SLC25A21: variants seen among roughly 807,000 people sequenced by gnomAD.
SLC25A21 encodes mitochondrial 2-oxodicarboxylate carrier.
SLC25A21 carries 47 observed loss-of-function variants against 43.8 expected under a neutral mutation model. The observed-to-expected ratio is 1.07, with a 90% CI of 0.85 to 1.37. The LOEUF is 1.37. SLC25A21 is among the 40% of genes most tolerant of loss of function. The pLI is 0.00. For synonymous variants in SLC25A21, 131 were observed against 121.3 expected (o/e 1.08, Z -0.52); for missense variants, 352 against 350.2 (o/e 1.00, Z -0.04).
chr14:36,999,182 G>A (rs1351343960), intron 1 of SLC25A21, among the ~76,000 whole-genome samples: 3 of 152,188 alleles, frequency 2.0e-5, no homozygotes, highest in Middle Eastern at 3.4e-3. Context: ...TACAGACAAT[G>A]GAATATTATT....
At chr14:36,852,448 T>C (rs1466108444) in intron 2 of SLC25A21, among the ~76,000 whole-genome samples, 5 of 152,190 alleles carry the variant, frequency 3.3e-5, no homozygotes, top group Non-Finnish European at 5.9e-5. Context: ...TGACAGCATA[T>C]TAAAATGTCA....
At chr14:36,743,082 T>G (rs191192749) in intron 3 of SLC25A21, among the ~76,000 whole-genome samples, 5 of 152,298 alleles carry the variant, frequency 3.3e-5, no homozygotes, top group Admixed American at 2.6e-4. Context: ...CCCTGGAAAG[T>G]TGGCAGAGTG....
chr14:36,731,730 C>T lies in SLC25A21; in HGVS notation c.271-2164G>A, dbSNP rs145076376. ...CAGGCATTGGTAGTTTCCTTGCAGG[C>T]GTGCACTGGTCAATACTCAGCTGAA... is the stretch of plus-strand genomic sequence containing the variant. On this transcript the variant is annotated intron_variant, in intron 4 of 9. Transcript: ENST00000331299. 3.3e-5 allele frequency among the ~76,000 whole-genome samples: 5 copies of T among 152,246 alleles called. No individual in the cohort carries two copies. In the East Asian group the frequency reaches 5.8e-4, roughly 18 times the overall value.
chr14:37,082,186 C>T (rs1359471045), intron 1 of SLC25A21, among the ~76,000 whole-genome samples: 1 of 152,034 alleles, frequency 6.6e-6, no homozygotes, highest in African/African-American at 2.4e-5. Flanking sequence ...AAACATTGAG[C>T]ACACATAGAC....
At position 36,844,481 on chromosome 14, in the gene SLC25A21, G is replaced by T. The variant is rs145983743; in HGVS notation, c.119+30475C>A. On this transcript the variant is annotated intron_variant, in intron 2 of 9. Transcript: ENST00000331299. ...TAAAACTGGATTATCCAGAGAAGGTGAGGTATGAGGAAGGAAAAAAAGACA... is the reference window on the plus strand; with the variant it reads ...TAAAACTGGATTATCCAGAGAAGGTTAGGTATGAGGAAGGAAAAAAAGACA... Among the ~76,000 whole-genome samples, 497 of 152,284 alleles carry T rather than the reference G, an allele frequency of 3.3e-3. 5 individuals carry two copies. The highest frequency in any genetic ancestry group is 0.011 in the African/African-American group (476 of 41,570).
chr14:36,904,908 GT>G (rs989030715), intron 1 of SLC25A21, among the ~76,000 whole-genome samples: 18 of 152,288 alleles, frequency 1.2e-4, no homozygotes, highest in African/African-American at 4.1e-4. Context: ...TATCACTCGT[GT>G]TATGAAGGGC....
intron 3 of SLC25A21, among the ~76,000 whole-genome samples, chr14:36,776,600 T>A (rs1048791675): frequency 4.6e-5 from 7 of 152,060 alleles, no homozygotes; most frequent in Admixed American, 6.6e-5. Context: ...TGAAGATTGA[T>A]GCCTCCCCAA....
At chr14:37,099,702 A>C (rs933039454) in intron 1 of SLC25A21, among the ~76,000 whole-genome samples, 1 of 152,116 alleles carries the variant, frequency 6.6e-6, no homozygotes, top group Non-Finnish European at 1.5e-5. Flanking sequence ...TGCACCAACA[A>C]TGGCAGGCTC....
intron 2 of SLC25A21, among the ~76,000 whole-genome samples, chr14:36,827,304 T>C (rs1408915362): frequency 2.0e-5 from 3 of 152,272 alleles, no homozygotes; most frequent in Non-Finnish European, 2.9e-5. Context: ...TCTGGTGGCA[T>C]TGCACTATCC....
At chr14:37,147,638 T>TG (rs1566913594) in intron 1 of SLC25A21, among the ~76,000 whole-genome samples, 5 of 130,068 alleles carry the variant, frequency 3.8e-5, no homozygotes, top group African/African-American at 1.3e-4. Flanking sequence ...TTTCAGGTTT[T>TG]TTTTTTTTTT....
chr14:37,022,157 T>C (rs1459574267), intron 1 of SLC25A21, among the ~76,000 whole-genome samples: 1 of 151,938 alleles, frequency 6.6e-6, no homozygotes, highest in Non-Finnish European at 1.5e-5. Context: ...GAGACTGCCA[T>C]TATTTTTTGT....
chr14:36,731,966 G>A (rs1884844307), intron 4 of SLC25A21, among the ~76,000 whole-genome samples: 1 of 152,020 alleles, frequency 6.6e-6, no homozygotes, highest in Non-Finnish European at 1.5e-5. Flanking sequence ...TGGCATCACA[G>A]GGCTCATTTC....
At chr14:36,998,580 G>A (rs61989483) in intron 1 of SLC25A21, among the ~76,000 whole-genome samples, 216 of 152,030 alleles carry the variant, frequency 1.4e-3, no homozygotes, top group Non-Finnish European at 2.4e-3. Flanking sequence ...TCATTATGGA[G>A]AAATCAGATA....
chr14:36,686,357 T>C (rs542089139), intron 7 of SLC25A21, among the ~76,000 whole-genome samples: 8 of 152,302 alleles, frequency 5.3e-5, no homozygotes, highest in African/African-American at 1.9e-4. Flanking sequence ...CCCCCCATTT[T>C]TTCTCTTTTA....
At position 36,708,744 on chromosome 14, in the gene SLC25A21, G is replaced by GT. The variant is rs58837881; in HGVS notation, c.603+2573dup. On this transcript the variant is annotated intron_variant, in intron 7 of 9. Coordinates refer to ENST00000331299, the MANE Select transcript of SLC25A21 (RefSeq NM_030631.4). Reference sequence around the variant, plus strand: ...GCACAATCACACCTGGCTAACGTTAGTTTTTTTTTTTTTTTTTTTTTGTAG... The same window carrying GT: ...GCACAATCACACCTGGCTAACGTTAGTTTTTTTTTTTTTTTTTTTTTTGTAG... Among the ~76,000 whole-genome samples the GT allele has an allele frequency of 4.0e-3, 436 of 108,442 alleles. 7 individuals carry two copies. The highest frequency in any genetic ancestry group is 5.7e-3 in the South Asian group (18 of 3,154). The allele number at this position is 108,442 out of a possible 152,430, so 71.1% of individuals were successfully genotyped here.
At chr14:36,824,167 A>G (rs534159279) in intron 2 of SLC25A21, among the ~76,000 whole-genome samples, 2 of 152,274 alleles carry the variant, frequency 1.3e-5, no homozygotes, top group African/African-American at 4.8e-5. Context: ...GAGCACTGAT[A>G]TGGATGCTTT....
rs556029955 is a variant in SLC25A21 at position 37,064,284 on chromosome 14, T to C, written c.70+107997A>G. On this transcript the variant is annotated intron_variant, in intron 1 of 9. Transcript: ENST00000331299. ...TGGTCTGGGACTGAGAGTCAGACCA[T>C]TGGCTTCCCTGAGGCATTCAGACTT... Among the ~76,000 whole-genome samples the C allele has an allele frequency of 1.1e-3, 168 of 152,240 alleles. 1 individual carries two copies. Among genetic ancestry groups the C allele is most frequent in the Non-Finnish European group, 2.1e-3 (145 of 68,006 alleles).
At chr14:37,026,314 T>C (rs1160864223) in intron 1 of SLC25A21, among the ~76,000 whole-genome samples, 1 of 152,172 alleles carries the variant, frequency 6.6e-6, no homozygotes, top group Non-Finnish European at 1.5e-5. Context: ...CTCTGGGTTT[T>C]CTAAAAATGA....
At chr14:36,808,365 C>G (rs1447273287) in intron 3 of SLC25A21, among the ~76,000 whole-genome samples, 1 of 152,122 alleles carries the variant, frequency 6.6e-6, no homozygotes, top group African/African-American at 2.4e-5. Flanking sequence ...TCTTGAGTTG[C>G]CAGAGCTTTG....
Sources: allele counts gnomAD v4.1 joint callset (sites outside exome capture counted in the v4.1 genomes callset), GRCh38; gene constraint gnomAD v4.1.1; transcripts MANE v1.5; gene names NCBI Gene and HGNC (gene_info 2026-07-23, HGNC 2026-07-21).